The following GAK variants were observed in gnomAD, a reference collection of about 807,000 sequenced individuals.
The protein encoded by GAK is cyclin G associated kinase, also known as cyclin-G-associated kinase.
In GAK, 79 loss-of-function variants were observed where a neutral mutation model predicts 143.9. The ratio of observed to expected loss-of-function variants is 0.55; its 90% CI spans 0.46 to 0.66. The LOEUF (loss-of-function observed/expected upper bound fraction) is 0.66. Among genes scored for constraint, GAK ranks in the 30% least tolerant of loss-of-function variants. GAK has a pLI of 0.00. For missense variants in GAK, 1,693 were observed against 1,779.7 expected, an observed-to-expected ratio of 0.95 and a Z score of 0.88; for synonymous variants, 881 against 765.5, an observed-to-expected ratio of 1.15 and a Z score of -2.49.
chr4:902,875 AAAC>A (rs1326164977), intron 5 of GAK, among the ~76,000 whole-genome samples: 2 of 152,238 alleles, frequency 1.3e-5, no homozygotes, highest in Non-Finnish European at 1.5e-5. Context: ...AAAAGGCAAG[AAAC>A]AAAAGGAAGT....
chr4:877,256 CCAAA>C, intron 16 of GAK, 49 bp from the exon 17 acceptor site: 1 of 1,281,624 alleles, frequency 7.8e-7, no homozygotes. Flanking sequence ...CCAAAACCAA[CCAAA>C]CAAAAACAAC....
At chr4:860,591 T>C (rs1410148806) in intron 23 of GAK, among the ~76,000 whole-genome samples, 1 of 152,124 alleles carries the variant, frequency 6.6e-6, no homozygotes, top group Non-Finnish European at 1.5e-5. Flanking sequence ...ACCTTCACAG[T>C]GATCATCCAA....
intron 5 of GAK, among the ~76,000 whole-genome samples, chr4:901,085 T>C (rs1262053857): frequency 6.6e-6 from 1 of 152,212 alleles, no homozygotes. Flanking sequence ...ACACCTGTGC[T>C]ATAAAGTAGG....
rs1482939457 is a variant in GAK, at chr4:893,985, G to A, written c.766C>T (p.Leu256=). ...TCAAAAGGGTGCTGCCGGAAGCACA[G>A]CAGGTACAAGATGCAGCCCAGGGCC... The part of the protein sequence containing the change: ...IWALGCILYL[L]CFRQHPFEDG... Residue 256 remains leucine, a synonymous_variant, in exon 8 of 28, where the codon CTG becomes TTG. Transcript: ENST00000314167. 11 of 1,610,880 alleles carry A rather than the reference G, an allele frequency of 6.8e-6. 1 individual carries two copies. The Admixed American group carries it at 1.5e-4, about 22-fold the overall frequency.
intron 18 of GAK, among the ~76,000 whole-genome samples, chr4:876,214 C>G (rs1217634702): frequency 6.6e-6 from 1 of 152,220 alleles, no homozygotes; most frequent in Non-Finnish European, 1.5e-5. Context: ...GCAGGGCACT[C>G]TGCACACAGC....
At chr4:876,722 C>T (rs986576690) in intron 17 of GAK, 113 bp from the exon 18 acceptor site, 102 of 888,684 alleles carry the variant, frequency 1.1e-4, no homozygotes, top group Non-Finnish European at 1.7e-4. Flanking sequence ...GTGCTGGAGG[C>T]ATGGACGGCG....
At chr4:851,615 G>A (rs149605698) in intron 25 of GAK, 135 bp downstream of exon 25, 69 of 862,744 alleles carry the variant, frequency 8.0e-5, no homozygotes, top group Admixed American at 1.6e-4. Flanking sequence ...CGGAAACCGC[G>A]TCGTTCTCTG....
chr4:907,523 G>A (rs1430908899), intron 4 of GAK, among the ~76,000 whole-genome samples: 2 of 152,246 alleles, frequency 1.3e-5, no homozygotes, highest in Non-Finnish European at 2.9e-5. Context: ...GTCTGTTTCA[G>A]TGGTAACTGG....
intron 9 of GAK, among the ~76,000 whole-genome samples, chr4:891,862 C>T (rs1717738158): frequency 6.6e-6 from 1 of 152,158 alleles, no homozygotes; most frequent in African/African-American, 2.4e-5. Flanking sequence ...CTGACAGCCC[C>T]AGGGAAGCTT....
rs527279383 is a variant in GAK at position 870,230 on chromosome 4, G to A, written c.2248+481C>T. 7.1e-4 allele frequency among the ~76,000 whole-genome samples: 108 copies of A among 152,354 alleles called. No homozygotes were observed. The South Asian group carries it at 0.021, about 30-fold the overall frequency. The stretch of plus-strand genomic sequence containing the variant: ...TGCAAACCAAGAGCCGAGAACAAGC[G>A]TGGCATGAGCAGTGGACGGCCCTGG... On this transcript the variant is annotated intron_variant, in intron 19 of 27. Coordinates refer to ENST00000314167, the MANE Select transcript of GAK (RefSeq NM_005255.4).
intron 15 of GAK, among the ~76,000 whole-genome samples, 158 bp from the exon 16 acceptor site, chr4:877,967 T>TTA (rs762125201): frequency 1.5e-4 from 23 of 151,652 alleles, no homozygotes; most frequent in East Asian, 5.9e-4. Context: ...TTTCATTTAG[T>TTA]TATATATATA....
At chr4:855,021 G>A (rs1338840989) in intron 24 of GAK, among the ~76,000 whole-genome samples, 1 of 152,224 alleles carries the variant, frequency 6.6e-6, no homozygotes, top group Non-Finnish European at 1.5e-5. Flanking sequence ...TCCAGCCTGG[G>A]CGACAGAGCG....
At position 859,317 on chromosome 4, in the gene GAK, T is replaced by TCCCCGATGG. The variant is rs762337753; in HGVS notation, c.3283+280_3283+288dup. 12 of 1,355,702 alleles carry TCCCCGATGG rather than the reference T, an allele frequency of 8.9e-6. No individual in the cohort carries two copies. In the East Asian group the frequency reaches 3.5e-4, roughly 39 times the overall value. 84.0% of individuals were successfully genotyped at this position (1,355,702 alleles called of 1,614,324 possible). On this transcript the variant is annotated intron_variant, in intron 24 of 27. Coordinates refer to ENST00000314167, the MANE Select transcript of GAK (RefSeq NM_005255.4). The stretch of plus-strand genomic sequence containing the variant: ...CCCACTTCCATGCAGAGACCCCGCC[T>TCCCCGATGG]CCCCGATGGCCCCCATGGCCCTGAG...
At chr4:892,930 C>T (rs1035572165) in intron 9 of GAK, among the ~76,000 whole-genome samples, 7 of 152,258 alleles carry the variant, frequency 4.6e-5, no homozygotes, top group Admixed American at 2.0e-4. Flanking sequence ...CCCTGGGCTG[C>T]GGTGGTGACC....
At chr4:931,412 C>A (rs996001617) in intron 1 of GAK, among the ~76,000 whole-genome samples, 1 of 151,924 alleles carries the variant, frequency 6.6e-6, no homozygotes, top group African/African-American at 2.4e-5. Flanking sequence ...AGTCTACCCT[C>A]GGCCAACCCC....
Position 868,566 on chromosome 4 carries a change from G to A in GAK, c.2368C>T (p.Arg790Cys), listed in dbSNP as rs375149692. 13 of 1,607,872 alleles carry A rather than the reference G, an allele frequency of 8.1e-6. No homozygotes were observed. The highest frequency in any genetic ancestry group is 4.5e-5 in the East Asian group (2 of 44,606). ...TGCCAGTCCAGCGTGTGCAGGAAGC[G>A]ACTGGCGTCCGCGCTGCTGCTTGGC... is the stretch of plus-strand genomic sequence containing the variant. ...SPPSSSADAS[R>C]FLHTLDWQEE... The change falls in exon 20 of 28, where the codon CGC (arginine) becomes TGC (cysteine). Residue 790 changes from arginine to cysteine, a missense_variant. Coordinates refer to ENST00000314167, the MANE Select transcript of GAK (RefSeq NM_005255.4).
intron 7 of GAK, among the ~76,000 whole-genome samples, chr4:895,890 C>T (rs1490397732): frequency 2.6e-5 from 4 of 152,148 alleles, no homozygotes; most frequent in Admixed American, 6.5e-5. Flanking sequence ...AAGCCATGGA[C>T]GGGGCCGAGG....
rs761570769 is a variant in GAK at position 859,667 on chromosome 4, C to G, written c.3222G>C (p.Trp1074Cys). ...ATGGGTCCGGGTTCTGAGACTTGGT[C>G]CAGCTGGCCTGAGAGCCACAAGGGG... ...QPAPCGSQAS[W>C]TKSQNPDPFA... The change falls in exon 24 of 28, where the codon TGG becomes TGC. Residue 1074 changes from tryptophan to cysteine, a missense_variant. Trp to Cys is a radical substitution (Grantham distance 215). Coordinates refer to ENST00000314167, the MANE Select transcript of GAK (RefSeq NM_005255.4). The G allele has an allele frequency of 1.1e-5, 18 of 1,603,324 alleles. No individual in the cohort carries two copies. The highest frequency in any genetic ancestry group is 1.5e-5 in the Non-Finnish European group (17 of 1,171,208).
chr4:923,458 C>T (rs1193172624), intron 1 of GAK, among the ~76,000 whole-genome samples: 3 of 152,148 alleles, frequency 2.0e-5, no homozygotes, highest in Non-Finnish European at 4.4e-5. Flanking sequence ...CACTTGAGCC[C>T]AGGAGTTCTG....
Sources: allele counts gnomAD v4.1 joint callset (sites outside exome capture counted in the v4.1 genomes callset), GRCh38; gene constraint gnomAD v4.1.1; transcripts MANE v1.5; gene names NCBI Gene and HGNC (gene_info 2026-07-23, HGNC 2026-07-21).